Variants in PCDHA7 observed in about 807,000 individuals in gnomAD.
PCDHA7 encodes the protein protocadherin alpha 7, also known as protocadherin alpha-7.
PCDHA7 carries 37 observed loss-of-function variants against 57.2 expected under a neutral mutation model. That is an observed-to-expected ratio of 0.65 (90% confidence interval 0.50 to 0.85). The LOEUF (loss-of-function observed/expected upper bound fraction) is 0.85. PCDHA7 is among the 40% of genes least tolerant of loss of function. The pLI is 0.00. For synonymous variants in PCDHA7, 553 were observed against 558.8 expected, an observed-to-expected ratio of 0.99 and a Z score of 0.15; for missense variants, 1,188 against 1,241.8, an observed-to-expected ratio of 0.96 and a Z score of 0.65.
At chr5:140,985,217 G>A (rs1196051994) in intron 3 of PCDHA7, among the ~76,000 whole-genome samples, 3 of 152,206 alleles carry the variant, frequency 2.0e-5, no homozygotes, top group Admixed American at 1.3e-4. Context: ...GATTACAGGC[G>A]TGAGCCACCG....
chr5:140,955,701 A>G (rs1381358710), intron 1 of PCDHA7, among the ~76,000 whole-genome samples: 1 of 152,150 alleles, frequency 6.6e-6, no homozygotes, highest in Non-Finnish European at 1.5e-5. Context: ...ATGTCAATGG[A>G]AGTTTAATAG....
intron 1 of PCDHA7, among the ~76,000 whole-genome samples, chr5:140,909,547 C>T (rs2074573960): frequency 1.3e-5 from 2 of 152,278 alleles, no homozygotes; most frequent in Non-Finnish European, 2.9e-5. Context: ...GATGGTGGCA[C>T]TAATCTCTGC....
rs188796483 is a variant in PCDHA7 at position 140,869,402 on chromosome 5, C to T, written c.2355+32664C>T. On this transcript the variant is annotated intron_variant, in intron 1 of 3. Transcript: ENST00000525929. The stretch of plus-strand genomic sequence containing the variant: ...CGCGAGGAGCTGTGCGGGCAGAGCG[C>T]GGAGTGCAGCATCCACCTGGAGGTG... 9.6e-4 allele frequency: 1,554 copies of T among 1,614,178 alleles called. 9 individuals are homozygous for T. The highest frequency in any genetic ancestry group is 2.2e-4 in the Non-Finnish European group (262 of 1,180,040).
intron 1 of PCDHA7, chr5:140,856,165 A>T: frequency 6.3e-7 from 1 of 1,598,366 alleles, no homozygotes; most frequent in South Asian, 1.1e-5. Flanking sequence ...AGGAGGCCAG[A>T]CACGGCACCT....
chr5:140,889,923 C>T (rs1225073810), intron 1 of PCDHA7, among the ~76,000 whole-genome samples: 1 of 152,184 alleles, frequency 6.6e-6, no homozygotes, highest in African/African-American at 2.4e-5. Flanking sequence ...TGTAAAGAAG[C>T]TCAAGCTGGA....
intron 1 of PCDHA7, chr5:140,877,081 G>A: frequency 6.2e-7 from 1 of 1,613,120 alleles, no homozygotes; most frequent in Non-Finnish European, 8.5e-7. Flanking sequence ...CCAGGTGAGC[G>A]CGCGCGACGC....
At chr5:140,838,935 T>TAATAA (rs1186571610) in intron 1 of PCDHA7, among the ~76,000 whole-genome samples, 8 of 151,738 alleles carry the variant, frequency 5.3e-5, no homozygotes, top group South Asian at 4.2e-4. Context: ...TAAAATGAAA[T>TAATAA]AATAAAATAA....
At chr5:140,862,318 A>G in intron 1 of PCDHA7, 1 of 317,904 alleles carries the variant, frequency 3.1e-6, no homozygotes, top group South Asian at 2.8e-5. Context: ...TCATAGCCCT[A>G]ATCAGTGTAA....
intron 1 of PCDHA7, chr5:140,869,408 G>T (rs782029332): frequency 2.0e-5 from 32 of 1,614,106 alleles, no homozygotes; most frequent in Non-Finnish European, 2.7e-5. Context: ...AGCGCGGAGT[G>T]CAGCATCCAC....
intron 1 of PCDHA7, chr5:140,851,113 A>C: frequency 1.5e-6 from 2 of 1,303,480 alleles, no homozygotes; most frequent in East Asian, 5.4e-5. Context: ...GTGCTGAATC[A>C]ATTTTATTTA....
chr5:140,845,542 A>G (rs927156983), intron 1 of PCDHA7, among the ~76,000 whole-genome samples: 3 of 149,498 alleles, frequency 2.0e-5, no homozygotes, highest in African/African-American at 7.3e-5. Flanking sequence ...TATTCTAATT[A>G]TGGTGATGCT....
intron 1 of PCDHA7, chr5:140,854,705 T>A (rs1409807504): frequency 2.7e-5 from 4 of 150,008 alleles, no homozygotes; most frequent in Non-Finnish European, 4.5e-5. Context: ...TTTCCTTTCT[T>A]GGAAAGACAG....
intron 1 of PCDHA7, among the ~76,000 whole-genome samples, chr5:140,940,208 A>T (rs1193106137): frequency 6.6e-6 from 1 of 152,164 alleles, no homozygotes; most frequent in Non-Finnish European, 1.5e-5. Flanking sequence ...AAAATTCAAG[A>T]TTGGCATTTA....
chr5:140,850,258 G>A, intron 1 of PCDHA7: 1 of 1,594,156 alleles, frequency 6.3e-7, no homozygotes, highest in South Asian at 1.1e-5. Flanking sequence ...GTGGGCGCCG[G>A]CGTAGTGGTG....
chr5:140,901,352 G>T (rs1426715966), intron 1 of PCDHA7, among the ~76,000 whole-genome samples: 2 of 152,138 alleles, frequency 1.3e-5, no homozygotes, highest in East Asian at 3.8e-4. Flanking sequence ...TGATGTCTTA[G>T]ATTTAAGTCT....
At chr5:140,883,570 G>T (rs1554178743) in intron 1 of PCDHA7, 1 of 1,614,098 alleles carries the variant, frequency 6.2e-7, no homozygotes, top group South Asian at 1.1e-5. Context: ...GCTCGCCTTC[G>T]CTGTGGGCCA....
Position 140,881,600 on chromosome 5 carries a change from A to G in PCDHA7, c.2355+44862A>G, listed in dbSNP as rs193128939. On this transcript the variant is annotated intron_variant, in intron 1 of 3. Coordinates refer to ENST00000525929, the MANE Select transcript of PCDHA7 (RefSeq NM_018910.3). ...GTCACATTGAGGGAAATTTATTAAT[A>G]TGATGTGCTTATTCAAAATCTGATA... 3.1e-3 allele frequency among the ~76,000 whole-genome samples: 469 copies of G among 152,338 alleles called. 3 individuals are homozygous for G. Among genetic ancestry groups the G allele is most frequent in the Middle Eastern group, 0.014 (4 of 294 alleles).
intron 1 of PCDHA7, among the ~76,000 whole-genome samples, chr5:140,965,939 C>A (rs1554227944): frequency 6.6e-6 from 1 of 152,188 alleles, no homozygotes; most frequent in Admixed American, 6.5e-5. Flanking sequence ...GGAAAGAGGG[C>A]AGCATTTGCC....
intron 1 of PCDHA7, chr5:140,877,659 G>A (rs1554169954): frequency 9.3e-6 from 15 of 1,613,500 alleles, no homozygotes; most frequent in Admixed American, 1.7e-5. Flanking sequence ...CGCCCACCGT[G>A]AGCCGGTGCG....
Sources: gnomAD v4.1 joint callset for allele counts (sites outside exome capture counted in the v4.1 genomes callset) on GRCh38, gnomAD v4.1.1 for gene constraint, MANE v1.5 for transcripts, NCBI Gene and HGNC (gene_info 2026-07-23, HGNC 2026-07-21) for gene names.